The following SUGCT variants were observed in gnomAD, a reference collection of about 807,000 sequenced individuals.
SUGCT encodes the protein succinyl-CoA:glutarate-CoA transferase.
In SUGCT, 41 loss-of-function variants were observed where a neutral mutation model predicts 55.0. That is an observed-to-expected ratio of 0.74 (90% confidence interval 0.58 to 0.97). SUGCT has a LOEUF of 0.97. SUGCT is among the 50% of genes least tolerant of loss of function. SUGCT has a pLI of 0.00. For missense variants in SUGCT, 568 were observed against 547.8 expected, an observed-to-expected ratio of 1.04 and a Z score of -0.37; for synonymous variants, 187 against 200.4, an observed-to-expected ratio of 0.93 and a Z score of 0.56.
At chr7:40,387,088 C>A (rs1785166449) in intron 9 of SUGCT, among the ~76,000 whole-genome samples, 1 of 152,240 alleles carries the variant, frequency 6.6e-6, no homozygotes, top group East Asian at 1.9e-4. Context: ...AGGAAGCATG[C>A]AAGACCTGGC....
At chr7:40,139,696 T>C (rs952816349) in intron 1 of SUGCT, among the ~76,000 whole-genome samples, 19 of 152,216 alleles carry the variant, frequency 1.2e-4, no homozygotes, top group Admixed American at 2.0e-4. Context: ...TTCACTCTGT[T>C]GATCATTTCT....
chr7:40,279,402 A>AT (rs1792802053), intron 8 of SUGCT, among the ~76,000 whole-genome samples: 1 of 152,110 alleles, frequency 6.6e-6, no homozygotes, highest in African/African-American at 2.4e-5. Context: ...GGGACAGGTG[A>AT]TTCCTCCAAA....
chr7:40,286,470 T>C (rs1793349739), intron 8 of SUGCT, among the ~76,000 whole-genome samples: 1 of 152,182 alleles, frequency 6.6e-6, no homozygotes, highest in Non-Finnish European at 1.5e-5. Context: ...ATCTATGATG[T>C]TCCCCTTACC....
chr7:40,974,448 A>G, the SUGCT span, among the ~76,000 whole-genome samples: 23 of 152,238 alleles, frequency 1.5e-4, no homozygotes, highest in African/African-American at 4.8e-4. Flanking sequence ...TCTCCATCAT[A>G]TGAAGACACA....
chr7:40,507,421 A>AT (rs989870788), intron 12 of SUGCT, among the ~76,000 whole-genome samples: 47 of 152,204 alleles, frequency 3.1e-4, no homozygotes, highest in African/African-American at 1.0e-3. Flanking sequence ...AGCCAGTTAT[A>AT]TTTTTTATCC....
chr7:40,742,069 AC>A (rs1448120979), intron 12 of SUGCT, among the ~76,000 whole-genome samples: 4 of 152,166 alleles, frequency 2.6e-5, no homozygotes, highest in Admixed American at 2.6e-4. Flanking sequence ...TTATTAGTCT[AC>A]ATTAAGCTAT....
intron 8 of SUGCT, among the ~76,000 whole-genome samples, chr7:40,284,405 C>T (rs888180231): frequency 5.9e-5 from 9 of 151,824 alleles, no homozygotes; most frequent in Admixed American, 1.3e-4. Flanking sequence ...GTCAGGAGAT[C>T]GAGACCAGCC....
intron 13 of SUGCT, among the ~76,000 whole-genome samples, chr7:40,847,211 A>G (rs773640990): frequency 6.6e-6 from 1 of 151,878 alleles, no homozygotes; most frequent in Admixed American, 6.6e-5. Context: ...ATAACAAACA[A>G]TTCCCAAATA....
intron 9 of SUGCT, among the ~76,000 whole-genome samples, chr7:40,445,662 C>T (rs944791697): frequency 6.6e-6 from 1 of 152,122 alleles, no homozygotes; most frequent in Non-Finnish European, 1.5e-5. Flanking sequence ...CCAGCATCAT[C>T]CTGATACCAA....
chr7:40,883,820 C>T, the SUGCT span, among the ~76,000 whole-genome samples: 49 of 152,260 alleles, frequency 3.2e-4, no homozygotes, highest in African/African-American at 1.1e-3. Flanking sequence ...AGTCCCAAAA[C>T]ATCAGTCAAT....
rs77622382 is a variant in SUGCT at position 40,254,804 on chromosome 7, A to G, written c.576+17078A>G. ...TTCAAATGCCTTTTAAATAAAATGT[A>G]CCTTTTTTTATAAAAAAAATTTATT... On this transcript the variant is annotated intron_variant, in intron 7 of 13. Transcript: ENST00000335693. Among the ~76,000 whole-genome samples the G allele has an allele frequency of 6.5e-3, 988 of 152,160 alleles. 9 individuals are homozygous for G. Among genetic ancestry groups the G allele is most frequent in the African/African-American group, 0.023 (949 of 41,578 alleles).
intron 12 of SUGCT, among the ~76,000 whole-genome samples, chr7:40,501,492 A>G (rs928326285): frequency 6.6e-6 from 1 of 152,130 alleles, no homozygotes; most frequent in African/African-American, 2.4e-5. Flanking sequence ...GTATAACATT[A>G]TGGGCATTTT....
intron 12 of SUGCT, among the ~76,000 whole-genome samples, chr7:40,553,956 A>G (rs1795434375): frequency 6.6e-6 from 1 of 152,242 alleles, no homozygotes; most frequent in Non-Finnish European, 1.5e-5. Flanking sequence ...GGTGATAACA[A>G]TGACTATCTC....
At chr7:40,684,575 A>G (rs186754922) in intron 12 of SUGCT, among the ~76,000 whole-genome samples, 3 of 152,272 alleles carry the variant, frequency 2.0e-5, no homozygotes, top group Admixed American at 6.5e-5. Context: ...AGCTAATTAT[A>G]TCTAGGTTTC....
chr7:40,971,156 G>A, the SUGCT span, among the ~76,000 whole-genome samples: 2 of 152,174 alleles, frequency 1.3e-5, no homozygotes, highest in Admixed American at 6.5e-5. Context: ...GATGGCAGAA[G>A]GTGAAGTGGA....
chr7:40,898,705 A>AT, the SUGCT span, among the ~76,000 whole-genome samples: 1 of 152,092 alleles, frequency 6.6e-6, no homozygotes, highest in African/African-American at 2.4e-5. Context: ...TCTAAAAAAA[A>AT]AAAATGAACA....
intron 12 of SUGCT, chr7:40,499,067 G>C: frequency 4.4e-6 from 2 of 456,664 alleles, no homozygotes. Context: ...TTGGCGCTTG[G>C]TGCATGGAAA....
At chr7:40,726,545 G>A (rs1786621855) in intron 12 of SUGCT, among the ~76,000 whole-genome samples, 1 of 152,102 alleles carries the variant, frequency 6.6e-6, no homozygotes. Context: ...AGGGTCATCT[G>A]TATTACCCAA....
the SUGCT span, among the ~76,000 whole-genome samples, chr7:41,012,331 G>A: frequency 1.2e-3 from 189 of 152,244 alleles, no homozygotes; most frequent in African/African-American, 4.0e-3. Flanking sequence ...GTGAAGAGCC[G>A]TGAACTATAA....
Sources: allele counts gnomAD v4.1 joint callset (sites outside exome capture counted in the v4.1 genomes callset), GRCh38; gene constraint gnomAD v4.1.1; transcripts MANE v1.5; gene names NCBI Gene and HGNC (gene_info 2026-07-23, HGNC 2026-07-21).